The following ARHGAP42 variants were observed in gnomAD, a reference collection of about 807,000 sequenced individuals.
ARHGAP42 encodes Rho GTPase activating protein 42.
Under a neutral mutation model 125.0 loss-of-function variants are expected in ARHGAP42, and 63 were observed. The ratio of observed to expected loss-of-function variants is 0.50; its 90% CI spans 0.41 to 0.62. The LOEUF is 0.62. Among genes scored for constraint, ARHGAP42 ranks in the 20% least tolerant of loss-of-function variants. ARHGAP42 has a pLI of 0.00. For synonymous variants in ARHGAP42, 339 were observed against 351.0 expected (o/e 0.97, Z 0.38); for missense variants, 766 against 1,024.2 (o/e 0.75, Z 3.44).
chr11:100,972,295 C>T (rs1442050771), intron 17 of ARHGAP42, among the ~76,000 whole-genome samples: 1 of 152,188 alleles, frequency 6.6e-6, no homozygotes, highest in East Asian at 1.9e-4. Context: ...AAAGATAAGT[C>T]AAACAAATGA....
chr11:100,794,057 C>T (rs1221325576), intron 2 of ARHGAP42, among the ~76,000 whole-genome samples: 2 of 97,824 alleles, frequency 2.0e-5, no homozygotes, highest in Non-Finnish European at 3.8e-5. Flanking sequence ...ATCCGAACAA[C>T]AGAGCTAGAC....
At chr11:100,988,629 C>T (rs1352639989) in intron 23 of ARHGAP42, 84 bp from the exon 24 acceptor site, 33 of 1,115,522 alleles carry the variant, frequency 3.0e-5, no homozygotes, top group Middle Eastern at 2.2e-4. Flanking sequence ...ACTGACAATC[C>T]GATGTGGGTG....
intron 1 of ARHGAP42, among the ~76,000 whole-genome samples, chr11:100,730,988 A>C (rs566737185): frequency 2.0e-5 from 3 of 152,118 alleles, no homozygotes; most frequent in Non-Finnish European, 4.4e-5. Flanking sequence ...ATTGTTGACA[A>C]AGGTTTTGCT....
At position 100,827,386 on chromosome 11, in the gene ARHGAP42, G is replaced by T. The variant is rs542528985; in HGVS notation, c.313-32168G>T. 2.6e-5 allele frequency among the ~76,000 whole-genome samples: 4 copies of T among 152,292 alleles called. No individual in the cohort carries two copies. In the South Asian group the frequency reaches 8.3e-4, roughly 32 times the overall value. ...CATGTGATTTTCCCCTAGTTGTGGG[G>T]TCATGGTAGTCTGGTATGCAACTCA... On this transcript the variant is annotated intron_variant, in intron 3 of 23. Coordinates refer to ENST00000298815, the MANE Select transcript of ARHGAP42 (RefSeq NM_152432.4).
chr11:100,773,702 T>A (rs1323931993), intron 2 of ARHGAP42, among the ~76,000 whole-genome samples: 1 of 152,192 alleles, frequency 6.6e-6, no homozygotes, highest in South Asian at 2.1e-4. Flanking sequence ...ATCTCAACAG[T>A]GGTTTGTTTG....
At chr11:100,874,569 A>G (rs925261886) in intron 4 of ARHGAP42, among the ~76,000 whole-genome samples, 1 of 152,140 alleles carries the variant, frequency 6.6e-6, no homozygotes. Context: ...TGAAGGGCAG[A>G]CTTCTGGAGC....
chr11:100,973,097 C>T, intron 17 of ARHGAP42, 78 bp from the exon 18 acceptor site: 1 of 1,307,008 alleles, frequency 7.7e-7, no homozygotes, highest in Non-Finnish European at 1.0e-6. Context: ...TTTTTTGCAC[C>T]ACAAATTTGA....
chr11:100,845,503 A>T (rs185459427), intron 3 of ARHGAP42, among the ~76,000 whole-genome samples: 1 of 151,714 alleles, frequency 6.6e-6, no homozygotes, highest in East Asian at 1.9e-4. Context: ...CTATGAAAAT[A>T]AAAAAAAACT....
chr11:100,937,080 A>G (rs987312282), intron 8 of ARHGAP42, among the ~76,000 whole-genome samples: 2 of 152,214 alleles, frequency 1.3e-5, no homozygotes, highest in Non-Finnish European at 2.9e-5. Context: ...TGTATGTGCA[A>G]CATGATTAAG....
chr11:100,882,058 CTT>C (rs1056257676), intron 4 of ARHGAP42, among the ~76,000 whole-genome samples: 10 of 152,310 alleles, frequency 6.6e-5, no homozygotes, highest in Admixed American at 1.3e-4. Context: ...TTGACCTCCT[CTT>C]TACTAATTTG....
At chr11:100,788,922 A>G (rs950788025) in intron 2 of ARHGAP42, among the ~76,000 whole-genome samples, 2 of 152,200 alleles carry the variant, frequency 1.3e-5, no homozygotes, top group Admixed American at 6.5e-5. Flanking sequence ...TGGAAGTTCC[A>G]AGCATAAACT....
At chr11:100,920,668 G>A (rs1322039874) in intron 5 of ARHGAP42, among the ~76,000 whole-genome samples, 1 of 152,156 alleles carries the variant, frequency 6.6e-6, no homozygotes, top group South Asian at 2.1e-4. Context: ...GAAGAGGGAA[G>A]AGAGAGGCAT....
intron 1 of ARHGAP42, among the ~76,000 whole-genome samples, chr11:100,695,954 G>A (rs1861274488): frequency 6.6e-6 from 1 of 152,166 alleles, no homozygotes; most frequent in Non-Finnish European, 1.5e-5. Context: ...GGCTGGGCGT[G>A]ATGGCTTACA....
intron 4 of ARHGAP42, among the ~76,000 whole-genome samples, chr11:100,880,753 C>T (rs561980731): frequency 1.7e-4 from 26 of 152,326 alleles, no homozygotes; most frequent in African/African-American, 6.0e-4. Context: ...TCCATGCCAA[C>T]ATCTATTATT....
chr11:100,848,486 A>T (rs1314157875), intron 3 of ARHGAP42, among the ~76,000 whole-genome samples: 1 of 150,286 alleles, frequency 6.7e-6, no homozygotes, highest in African/African-American at 2.4e-5. Context: ...TAAGGAGCTA[A>T]CTTTTCTTTT....
chr11:100,818,143 G>T (rs920406568), intron 3 of ARHGAP42, among the ~76,000 whole-genome samples: 1 of 152,082 alleles, frequency 6.6e-6, no homozygotes, highest in South Asian at 2.1e-4. Context: ...GTGTCCCCCT[G>T]GTCCTTCCAT....
chr11:100,740,536 A>G (rs1862162770), intron 1 of ARHGAP42, among the ~76,000 whole-genome samples: 1 of 152,258 alleles, frequency 6.6e-6, no homozygotes, highest in African/African-American at 2.4e-5. Flanking sequence ...ATTTGAAGGC[A>G]GTATCATTCA....
intron 19 of ARHGAP42, 126 bp from the exon 20 acceptor site, chr11:100,975,931 C>T (rs2135320117): frequency 1.9e-6 from 2 of 1,071,786 alleles, no homozygotes; most frequent in Non-Finnish European, 2.6e-6. Flanking sequence ...AGGTAGGGGC[C>T]TACCACTTTA....
chr11:100,692,023 G>A (rs1009141790), intron 1 of ARHGAP42, among the ~76,000 whole-genome samples: 3 of 151,834 alleles, frequency 2.0e-5, no homozygotes, highest in Non-Finnish European at 2.9e-5. Flanking sequence ...GAAATAAATA[G>A]CAAGAGTTAT....
Sources: gnomAD v4.1 joint callset for allele counts (sites outside exome capture counted in the v4.1 genomes callset) on GRCh38, gnomAD v4.1.1 for gene constraint, MANE v1.5 for transcripts, NCBI Gene and HGNC (gene_info 2026-07-23, HGNC 2026-07-21) for gene names.